TMEM232: variants seen among roughly 807,000 people sequenced by gnomAD.
The protein encoded by TMEM232 is transmembrane protein 232.
In TMEM232, 80 loss-of-function variants were observed where a neutral mutation model predicts 78.8. That is an observed-to-expected ratio of 1.01 (90% CI 0.85 to 1.22). The LOEUF (loss-of-function observed/expected upper bound fraction) is 1.22. TMEM232 is among the 50% of genes most tolerant of loss of function. The pLI is 0.00. For missense variants in TMEM232, 881 were observed against 742.2 expected, an observed-to-expected ratio of 1.19 and a Z score of -2.17; for synonymous variants, 297 against 254.3, an observed-to-expected ratio of 1.17 and a Z score of -1.60.
At chr5:110,452,661 T>C (rs1324713592) in intron 12 of TMEM232, among the ~76,000 whole-genome samples, 4 of 152,138 alleles carry the variant, frequency 2.6e-5, no homozygotes, top group Non-Finnish European at 5.9e-5. Context: ...CCTATAGCAA[T>C]ATGAATGAGA....
At position 110,401,475 on chromosome 5, in the gene TMEM232, A is replaced by C. The variant is rs1755593093; in HGVS notation, n.309-3621T>G. ...CCTCCTGAGCTACTGGCAACACAAG[A>C]GTTTTCCTTCTCTAACTTATCTTCC... is the stretch of plus-strand genomic sequence containing the variant. On this transcript the variant is annotated intron_variant and non_coding_transcript_variant, in intron 2 of 8. Transcript: ENST00000507188. Among the ~76,000 whole-genome samples the C allele has an allele frequency of 2.6e-5, 4 of 152,100 alleles. No homozygotes were observed. In the South Asian group the frequency reaches 8.3e-4, roughly 32 times the overall value.
At chr5:110,395,711 T>C (rs1755359542) in intron 3 of TMEM232, among the ~76,000 whole-genome samples, 1 of 152,164 alleles carries the variant, frequency 6.6e-6, no homozygotes, top group African/African-American at 2.4e-5. Context: ...TATATAATAT[T>C]TAGCTGGGCA....
intron 11 of TMEM232, among the ~76,000 whole-genome samples, chr5:110,560,813 C>T (rs1468902481): frequency 6.6e-6 from 1 of 152,168 alleles, no homozygotes; most frequent in African/African-American, 2.4e-5. Flanking sequence ...CAGGTGAGCG[C>T]TATGCTACCC....
intron 12 of TMEM232, among the ~76,000 whole-genome samples, chr5:110,484,866 C>T (rs1764288693): frequency 6.6e-6 from 1 of 151,850 alleles, no homozygotes; most frequent in African/African-American, 2.4e-5. Flanking sequence ...GAGTAACTGA[C>T]AATTCAACAA....
At chr5:110,697,409 C>T (rs946768142) in intron 1 of TMEM232, among the ~76,000 whole-genome samples, 1 of 152,146 alleles carries the variant, frequency 6.6e-6, no homozygotes, top group African/African-American at 2.4e-5. Context: ...ATGTCTAAAA[C>T]ACCAAAAGCA....
chr5:110,472,780 G>A (rs1337029205), intron 12 of TMEM232, among the ~76,000 whole-genome samples: 1 of 151,894 alleles, frequency 6.6e-6, no homozygotes, highest in Non-Finnish European at 1.5e-5. Context: ...TAGCTCTTAA[G>A]CCAACTTATT....
chr5:110,409,235 A>G (rs910068036), intron 2 of TMEM232, among the ~76,000 whole-genome samples: 2 of 152,200 alleles, frequency 1.3e-5, no homozygotes, highest in Non-Finnish European at 2.9e-5. Context: ...GTCTGTCTGC[A>G]CACAAACTCT....
At chr5:110,458,661 T>C (rs1761156461) in intron 12 of TMEM232, among the ~76,000 whole-genome samples, 1 of 152,208 alleles carries the variant, frequency 6.6e-6, no homozygotes, top group African/African-American at 2.4e-5. Flanking sequence ...TTGAAATCCA[T>C]TCATTAATTT....
intron 12 of TMEM232, among the ~76,000 whole-genome samples, chr5:110,437,756 A>C (rs1453975622): frequency 1.3e-5 from 2 of 152,092 alleles, no homozygotes; most frequent in South Asian, 4.1e-4. Context: ...AAGAGCTACA[A>C]AGGCACTTTT....
intron 1 of TMEM232, among the ~76,000 whole-genome samples, chr5:110,697,988 G>A (rs1401460183): frequency 2.6e-5 from 4 of 152,016 alleles, no homozygotes; most frequent in East Asian, 1.9e-4. Flanking sequence ...ACATGCACAC[G>A]TATGTTTATT....
chr5:110,494,896 G>C (rs1189313369), intron 12 of TMEM232, among the ~76,000 whole-genome samples: 1 of 151,612 alleles, frequency 6.6e-6, no homozygotes, highest in Non-Finnish European at 1.5e-5. Flanking sequence ...TATCAAGCTA[G>C]ACTAGATAAT....
At chr5:110,685,553 G>C (rs750886662) in intron 1 of TMEM232, among the ~76,000 whole-genome samples, 1 of 152,064 alleles carries the variant, frequency 6.6e-6, no homozygotes, top group Non-Finnish European at 1.5e-5. Context: ...ATATGTTGCT[G>C]ATGGCAGTGA....
chr5:110,594,634 T>C (rs1297227517), intron 10 of TMEM232, among the ~76,000 whole-genome samples: 2 of 152,104 alleles, frequency 1.3e-5, no homozygotes, highest in African/African-American at 4.8e-5. Context: ...GGGGCTTCCG[T>C]CATTACTGCA....
At chr5:110,396,992 C>G (rs990224855) in intron 3 of TMEM232, among the ~76,000 whole-genome samples, 1 of 152,104 alleles carries the variant, frequency 6.6e-6, no homozygotes, top group Non-Finnish European at 1.5e-5. Flanking sequence ...TCAGACAACT[C>G]TTTATCTCTG....
downstream of TMEM232, among the ~76,000 whole-genome samples, chr5:110,415,609 G>GTATGC (rs1175985387): frequency 6.6e-6 from 1 of 151,898 alleles, no homozygotes. Flanking sequence ...GATGGAGAAT[G>GTATGC]TATGCTATGG....
intron 1 of TMEM232, among the ~76,000 whole-genome samples, chr5:110,735,353 T>G (rs1799050256): frequency 6.6e-6 from 1 of 152,196 alleles, no homozygotes; most frequent in African/African-American, 2.4e-5. Context: ...AAAATATGTA[T>G]TAAGCCCGTT....
At chr5:110,647,858 T>C (rs1787722821) in intron 2 of TMEM232, among the ~76,000 whole-genome samples, 1 of 152,016 alleles carries the variant, frequency 6.6e-6, no homozygotes, top group South Asian at 2.1e-4. Context: ...TTCTGGTTTA[T>C]CAGCCCCCAC....
intron 12 of TMEM232, among the ~76,000 whole-genome samples, chr5:110,425,869 C>G (rs1757177152): frequency 6.6e-6 from 1 of 152,044 alleles, no homozygotes; most frequent in Non-Finnish European, 1.5e-5. Context: ...TCATGTCAAT[C>G]TCCTACATCA....
intron 11 of TMEM232, among the ~76,000 whole-genome samples, chr5:110,536,979 T>A (rs527850216): frequency 6.6e-6 from 1 of 152,212 alleles, no homozygotes; most frequent in East Asian, 1.9e-4. Context: ...CCAGCACCCA[T>A]CTAACTAACG....
Sources: gnomAD v4.1 joint callset for allele counts (sites outside exome capture counted in the v4.1 genomes callset) on GRCh38, gnomAD v4.1.1 for gene constraint, MANE v1.5 for transcripts, NCBI Gene and HGNC (gene_info 2026-07-23, HGNC 2026-07-21) for gene names.